Variants in SLC44A1 observed in about 807,000 individuals in gnomAD.
SLC44A1 encodes the protein solute carrier family 44 member 1, also known as choline transporter-like protein 1.
A neutral mutation model predicts 79.3 loss-of-function variants in SLC44A1; 26 were observed. The observed-to-expected ratio is 0.33, with a 90% CI of 0.24 to 0.46. The LOEUF (loss-of-function observed/expected upper bound fraction) is 0.46. Ranked by LOEUF, SLC44A1 falls within the 20% of genes least tolerant of loss-of-function variation. The pLI, the probability that SLC44A1 is intolerant of heterozygous loss-of-function variation, is 1.00. For missense variants in SLC44A1, 688 were observed against 798.1 expected (o/e 0.86, Z 1.66); for synonymous variants, 263 against 286.2 (o/e 0.92, Z 0.82).
intron 15 of SLC44A1, among the ~76,000 whole-genome samples, chr9:105,428,441 G>A (rs1006104525): frequency 3.9e-5 from 6 of 152,118 alleles, no homozygotes; most frequent in African/African-American, 1.2e-4. Flanking sequence ...GATATTCTAA[G>A]AAGTATAGTT....
intron 15 of SLC44A1, among the ~76,000 whole-genome samples, chr9:105,405,420 A>G (rs1000808355): frequency 6.6e-6 from 1 of 152,136 alleles, no homozygotes; most frequent in African/African-American, 2.4e-5. Flanking sequence ...TCAAATTGAC[A>G]AAAACTGTCC....
At chr9:105,259,796 A>G (rs528316789) in intron 1 of SLC44A1, among the ~76,000 whole-genome samples, 51 of 152,380 alleles carry the variant, frequency 3.3e-4, no homozygotes, top group African/African-American at 1.1e-3. Context: ...TTCAGTTATG[A>G]AAGTTTGGAA....
At position 105,395,276 on chromosome 9, in the gene SLC44A1, T is replaced by A; in HGVS notation, c.*6220T>A. On this transcript the variant is annotated 3_prime_UTR_variant, in exon 16 of 16. Transcript: ENST00000374720. ...GCTCTATCGCCAGCTTAGAGTGCAGTGGCTCAATCTTAGCTCACTGCAACC... is the reference window on the plus strand; with the variant it reads ...GCTCTATCGCCAGCTTAGAGTGCAGAGGCTCAATCTTAGCTCACTGCAACC... The A allele has an allele frequency of 1.3e-6, 1 of 774,638 alleles. No homozygotes were observed. The highest frequency in any genetic ancestry group is 1.6e-6 in the Non-Finnish European group (1 of 637,912). 48.0% of individuals were successfully genotyped at this position (774,638 alleles called of 1,614,324 possible).
At chr9:105,268,265 T>G (rs1055569896) in intron 1 of SLC44A1, among the ~76,000 whole-genome samples, 3 of 152,136 alleles carry the variant, frequency 2.0e-5, no homozygotes, top group Non-Finnish European at 4.4e-5. Context: ...GGGAGTTTTG[T>G]GGTGTAAGTG....
At chr9:105,277,396 C>A (rs1830232806) in intron 1 of SLC44A1, among the ~76,000 whole-genome samples, 1 of 152,146 alleles carries the variant, frequency 6.6e-6, no homozygotes, top group Non-Finnish European at 1.5e-5. Context: ...GTGTCTAAAT[C>A]AAGTGTCTTA....
chr9:105,389,218 G>A lies in SLC44A1; in HGVS notation c.*162G>A. ...ATAAATCAGCCAAAATCAGAGAAAA[G>A]GAACAGGGATTTAATACCTTTTTTA... is the stretch of plus-strand genomic sequence containing the variant. On this transcript the variant is annotated 3_prime_UTR_variant, in exon 16 of 16. Coordinates refer to ENST00000374720, the MANE Select transcript of SLC44A1 (RefSeq NM_080546.5). 5 of 1,322,870 alleles carry A rather than the reference G, an allele frequency of 3.8e-6. No individual in the cohort carries two copies. Among genetic ancestry groups the A allele is most frequent in the Middle Eastern group, 5.0e-4 (2 of 4,010 alleles). The allele number at this position is 1,322,870 out of a possible 1,614,324, so 81.9% of individuals were successfully genotyped here. A position where few individuals can be genotyped will look rare whatever the true frequency, so the allele number is the denominator to read the frequency against.
intron 5 of SLC44A1, among the ~76,000 whole-genome samples, chr9:105,350,174 A>G (rs1827361425): frequency 6.6e-6 from 1 of 152,152 alleles, no homozygotes; most frequent in African/African-American, 2.4e-5. Context: ...AAAGATCCTT[A>G]TGTTTTACTT....
chr9:105,307,599 G>A (rs538576386), intron 2 of SLC44A1, among the ~76,000 whole-genome samples: 4 of 151,150 alleles, frequency 2.6e-5, no homozygotes, highest in African/African-American at 7.3e-5. Context: ...AGCCGAGATC[G>A]TGCCACTGTG....
At chr9:105,342,074 A>G (rs1297479481) in intron 4 of SLC44A1, among the ~76,000 whole-genome samples, 3 of 152,206 alleles carry the variant, frequency 2.0e-5, no homozygotes, top group Non-Finnish European at 4.4e-5. Context: ...TCTGATGAAC[A>G]GGCTACTTTC....
intron 5 of SLC44A1, among the ~76,000 whole-genome samples, chr9:105,349,660 A>C (rs1275831986): frequency 6.6e-6 from 1 of 152,188 alleles, no homozygotes; most frequent in Admixed American, 6.5e-5. Context: ...GGATCCTTTG[A>C]ATAGTCTTAG....
Position 105,396,602 on chromosome 9 carries a change from ATATGGGG to A in SLC44A1, c.*7548_*7554del. 1 of 985,430 alleles carries A rather than the reference ATATGGGG, an allele frequency of 1.0e-6. No homozygotes were observed. The highest frequency in any genetic ancestry group is 1.2e-6 in the Non-Finnish European group (1 of 829,938). 61.0% of individuals were successfully genotyped at this position (985,430 alleles called of 1,614,324 possible). On this transcript the variant is annotated 3_prime_UTR_variant, in exon 16 of 16. Coordinates refer to ENST00000374720, the MANE Select transcript of SLC44A1 (RefSeq NM_080546.5). ...CATCCAGTGTCAAGCCCAGCCCAGC[ATATGGGG>A]TGATATGAGCAGAAAACACACATCG...
At chr9:105,250,208 C>T (rs1435037537) in intron 1 of SLC44A1, among the ~76,000 whole-genome samples, 1 of 152,006 alleles carries the variant, frequency 6.6e-6, no homozygotes, top group African/African-American at 2.4e-5. Context: ...GTTTACTTTT[C>T]TAAAGATAAA....
chr9:105,369,692 C>G (rs957660113), intron 12 of SLC44A1, among the ~76,000 whole-genome samples: 3 of 152,038 alleles, frequency 2.0e-5, no homozygotes, highest in African/African-American at 7.3e-5. Context: ...TGTAGCTTGC[C>G]CCTATTAAGT....
intron 5 of SLC44A1, among the ~76,000 whole-genome samples, chr9:105,353,175 GT>G (rs201111124): frequency 5.3e-5 from 8 of 150,480 alleles, no homozygotes; most frequent in Admixed American, 2.6e-4. Context: ...TCAGGTTGTT[GT>G]TTTTTTTTAA....
intron 2 of SLC44A1, among the ~76,000 whole-genome samples, chr9:105,304,902 C>T (rs1830976484): frequency 7.7e-6 from 1 of 129,054 alleles, no homozygotes; most frequent in Non-Finnish European, 1.6e-5. Context: ...TGTATATGCT[C>T]AATAAATGCT....
chr9:105,308,779 C>T (rs1238578904), intron 2 of SLC44A1, among the ~76,000 whole-genome samples: 2 of 152,178 alleles, frequency 1.3e-5, no homozygotes, highest in African/African-American at 4.8e-5. Flanking sequence ...AAAAATGTAA[C>T]CTTTTAACGA....
intron 4 of SLC44A1, among the ~76,000 whole-genome samples, chr9:105,340,022 G>T (rs1175382682): frequency 6.6e-6 from 1 of 152,148 alleles, no homozygotes; most frequent in Non-Finnish European, 1.5e-5. Flanking sequence ...TAGAAGTGTG[G>T]TTGCCAGGAA....
At chr9:105,385,926 A>T in intron 15 of SLC44A1, 2 of 985,368 alleles carry the variant, frequency 2.0e-6, no homozygotes, top group Non-Finnish European at 2.4e-6. Flanking sequence ...GCTAAAATTC[A>T]TACTCCCCCT....
At chr9:105,324,814 C>CTTCT (rs1826520019) in intron 3 of SLC44A1, among the ~76,000 whole-genome samples, 1 of 152,288 alleles carries the variant, frequency 6.6e-6, no homozygotes, top group East Asian at 1.9e-4. Context: ...GTTACTATTT[C>CTTCT]ACATCCACTA....
Sources: allele counts gnomAD v4.1 joint callset (sites outside exome capture counted in the v4.1 genomes callset), GRCh38; gene constraint gnomAD v4.1.1; transcripts MANE v1.5; gene names NCBI Gene and HGNC (gene_info 2026-07-23, HGNC 2026-07-21).